Variants in FAM240B observed in about 807,000 individuals in gnomAD.
FAM240B encodes the protein family with sequence similarity 240 member B.
chr9:38,717,300 G>A (rs1419628710), intron 1 of FAM240B, among the ~76,000 whole-genome samples: 2 of 152,124 alleles, frequency 1.3e-5, no homozygotes, highest in Non-Finnish European at 2.9e-5. Context: ...CAAAGTTTTG[G>A]CCGGGCGCAG....
Position 38,718,750 on chromosome 9 carries a change from T to TA in FAM240B, c.-4+1271dup, listed in dbSNP as rs5897749. Among the ~76,000 whole-genome samples, 1,029 of 148,742 alleles carry TA rather than the reference T, an allele frequency of 6.9e-3. 13 individuals are homozygous for TA. Among genetic ancestry groups the TA allele is most frequent in the African/African-American group, 0.023 (933 of 40,990 alleles). Reference sequence around the variant, plus strand: ...GGACATATACATAGTTTGAGATAAGTAAAAAAAAAAAATGTTCAAAGTCCT... The same window carrying TA: ...GGACATATACATAGTTTGAGATAAGTAAAAAAAAAAAAATGTTCAAAGTCCT... On this transcript the variant is annotated intron_variant, in intron 1 of 2. Coordinates refer to ENST00000637493, the MANE Select transcript of FAM240B (RefSeq NM_001394922.1).
At chr9:38,704,938 C>T (rs1821171808) in intron 1 of FAM240B, among the ~76,000 whole-genome samples, 1 of 152,224 alleles carries the variant, frequency 6.6e-6, no homozygotes, top group African/African-American at 2.4e-5. Context: ...TCTTTGCTCA[C>T]ACGAAGTGCC....
intron 1 of FAM240B, among the ~76,000 whole-genome samples, chr9:38,712,286 T>C (rs1196011309): frequency 6.6e-6 from 1 of 152,142 alleles, no homozygotes; most frequent in Admixed American, 6.5e-5. Context: ...ATGAGAGAAG[T>C]CCCTGTGACT....
intron 1 of FAM240B, among the ~76,000 whole-genome samples, chr9:38,708,414 A>T (rs1399935059): frequency 6.6e-6 from 1 of 152,010 alleles, no homozygotes; most frequent in Non-Finnish European, 1.5e-5. Context: ...GGAGTTCTTC[A>T]CCAAGCCACA....
chr9:38,709,974 CT>C (rs953858696), intron 1 of FAM240B, among the ~76,000 whole-genome samples: 1 of 152,122 alleles, frequency 6.6e-6, no homozygotes, highest in African/African-American at 2.4e-5. Flanking sequence ...CTCTTGATGT[CT>C]TTTTGTTGTT....
At chr9:38,700,910 A>T (rs1326759884) in intron 2 of FAM240B, among the ~76,000 whole-genome samples, 1 of 152,222 alleles carries the variant, frequency 6.6e-6, no homozygotes, top group Non-Finnish European at 1.5e-5. Context: ...CTGAACCCAC[A>T]GGTGTGTGCT....
intron 2 of FAM240B, among the ~76,000 whole-genome samples, chr9:38,703,321 G>A (rs62540087): frequency 2.0e-5 from 3 of 152,036 alleles, no homozygotes; most frequent in Admixed American, 6.6e-5. Flanking sequence ...CAGACCAACC[G>A]ATCTCAAGTC....
Position 38,694,588 on chromosome 9 carries a change from C to T in FAM240B, c.*188G>A, listed in dbSNP as rs370070731. On this transcript the variant is annotated 3_prime_UTR_variant, in exon 3 of 3. Coordinates refer to ENST00000637493, the MANE Select transcript of FAM240B (RefSeq NM_001394922.1). The stretch of plus-strand genomic sequence containing the variant: ...ACTTGCGGTCATCCTGTCCTCTGTG[C>T]GGAGGGGATTGAGCAGGATAATAAC... 7.4e-5 allele frequency: 29 copies of T among 390,286 alleles called. No homozygotes were observed. The highest frequency in any genetic ancestry group is 8.2e-5 in the African/African-American group (4 of 48,534). The allele number at this position is 390,286 out of a possible 1,614,324, so 24.2% of individuals were successfully genotyped here.
intron 1 of FAM240B, among the ~76,000 whole-genome samples, chr9:38,719,084 G>T (rs1821343089): frequency 6.6e-6 from 1 of 151,966 alleles, no homozygotes; most frequent in African/African-American, 2.4e-5. Flanking sequence ...GGAATAATCT[G>T]TATCTTCAAA....
chr9:38,709,622 G>A (rs1025360835), intron 1 of FAM240B, among the ~76,000 whole-genome samples: 1 of 152,132 alleles, frequency 6.6e-6, no homozygotes, highest in African/African-American at 2.4e-5. Flanking sequence ...CTGTGTGGTC[G>A]GGAAGAAGGG....
intron 2 of FAM240B, among the ~76,000 whole-genome samples, chr9:38,700,451 C>T (rs1005958679): frequency 5.3e-5 from 8 of 152,180 alleles, no homozygotes; most frequent in Admixed American, 1.3e-4. Flanking sequence ...TGCCCGAAAA[C>T]ATTAGTAGTT....
chr9:38,696,376 T>C (rs1398947800), intron 2 of FAM240B, among the ~76,000 whole-genome samples: 2 of 152,112 alleles, frequency 1.3e-5, no homozygotes, highest in Non-Finnish European at 2.9e-5. Context: ...TATTACCAGA[T>C]TGGCTTCAGG....
At chr9:38,704,076 A>G (rs1490604435) in intron 1 of FAM240B, 74 bp from the exon 2 acceptor site, 3 of 382,986 alleles carry the variant, frequency 7.8e-6, no homozygotes, top group East Asian at 7.5e-5. Context: ...TAGAAAGATG[A>G]GCTTGCATGT....
chr9:38,716,436 C>T lies in FAM240B; in HGVS notation c.-4+3586G>A, dbSNP rs547959831. ...GCAGTGGGCTGAAATCGTGCCACAG[C>T]ACTCTAGCTTGGGTGGCAGAGTGAG... On this transcript the variant is annotated intron_variant, in intron 1 of 2. Transcript: ENST00000637493. 4.2e-4 allele frequency among the ~76,000 whole-genome samples: 64 copies of T among 151,854 alleles called. 1 individual carries two copies. Among genetic ancestry groups the T allele is most frequent in the Non-Finnish European group, 6.3e-4 (43 of 67,998 alleles).
chr9:38,705,650 T>C (rs1821182896), intron 1 of FAM240B: 1 of 151,606 alleles, frequency 6.6e-6, no homozygotes, highest in South Asian at 2.1e-4. Flanking sequence ...ATATTTATGA[T>C]ATGGAATAAT....
At chr9:38,714,830 A>G (rs908668590) in intron 1 of FAM240B, among the ~76,000 whole-genome samples, 1 of 152,260 alleles carries the variant, frequency 6.6e-6, no homozygotes, top group Non-Finnish European at 1.5e-5. Flanking sequence ...ATTGATAGAT[A>G]TATACACCAA....
At chr9:38,700,005 G>T (rs1424125136) in intron 2 of FAM240B, among the ~76,000 whole-genome samples, 1 of 152,202 alleles carries the variant, frequency 6.6e-6, no homozygotes, top group African/African-American at 2.4e-5. Context: ...AGGCGGGCCT[G>T]AGTCTGGTTT....
intron 2 of FAM240B, among the ~76,000 whole-genome samples, chr9:38,702,774 T>A: frequency 6.6e-6 from 1 of 152,054 alleles, no homozygotes; most frequent in East Asian, 1.9e-4. Context: ...AGATGAGGGA[T>A]CTTTTTATTA....
chr9:38,713,254 G>A (rs930503002), intron 1 of FAM240B, among the ~76,000 whole-genome samples: 24 of 152,206 alleles, frequency 1.6e-4, no homozygotes, highest in East Asian at 7.8e-4. Flanking sequence ...TAAGGCAGAC[G>A]GATCACGAGG....
Sources: allele counts gnomAD v4.1 joint callset (sites outside exome capture counted in the v4.1 genomes callset), GRCh38; gene constraint gnomAD v4.1.1; transcripts MANE v1.5; gene names NCBI Gene and HGNC (gene_info 2026-07-23, HGNC 2026-07-21).